Variants in CFAP418 observed in about 807,000 individuals in gnomAD.
CFAP418 encodes the protein cilia and flagella associated protein 418, also known as cilia- and flagella-associated protein 418.
Under a neutral mutation model 24.7 loss-of-function variants are expected in CFAP418, and 27 were observed. The ratio of observed to expected loss-of-function variants is 1.09; its 90% CI spans 0.81 to 1.51. The LOEUF (loss-of-function observed/expected upper bound fraction) is 1.51, where lower values mean the gene tolerates loss of function less well. CFAP418 is among the 40% of genes most tolerant of loss of function. The pLI is 0.00. For missense variants in CFAP418, 257 were observed against 255.2 expected (o/e 1.01, Z -0.05); for synonymous variants, 74 against 87.3 (o/e 0.85, Z 0.85).
At chr8:95,267,747 T>A (rs919387758) in intron 1 of CFAP418, among the ~76,000 whole-genome samples, 7 of 152,270 alleles carry the variant, frequency 4.6e-5, no homozygotes, top group Admixed American at 3.9e-4. Context: ...GGAGATGACG[T>A]TCTTAGATTG....
Position 95,253,319 on chromosome 8 carries a change from A to AAG in CFAP418, c.375-1037_375-1036insCT, listed in dbSNP as rs2132156183. Among the ~76,000 whole-genome samples, 3 of 152,120 alleles carry AAG rather than the reference A, an allele frequency of 2.0e-5. No individual in the cohort carries two copies. The South Asian group carries it at 6.2e-4, about 32-fold the overall frequency. ...AGCGAGACTCTGTCTCAAAAAAAAA[A>AAG]GAACATGGAGCAAAATGTAGAAAGT... On this transcript the variant is annotated intron_variant, in intron 4 of 5. Transcript: ENST00000286688.
chr8:95,254,661 C>G (rs916415825), intron 4 of CFAP418, among the ~76,000 whole-genome samples: 1 of 152,140 alleles, frequency 6.6e-6, no homozygotes, highest in African/African-American at 2.4e-5. Flanking sequence ...AATCTTCTGC[C>G]CAGACACTGT....
chr8:95,261,390 C>T (rs1811889262), intron 2 of CFAP418, among the ~76,000 whole-genome samples: 1 of 152,114 alleles, frequency 6.6e-6, no homozygotes, highest in Admixed American at 6.6e-5. Context: ...GAGCATGTTT[C>T]ATGTGCCATC....
chr8:95,261,363 G>A (rs1811888857), intron 2 of CFAP418, among the ~76,000 whole-genome samples: 1 of 152,132 alleles, frequency 6.6e-6, no homozygotes, highest in Admixed American at 6.5e-5. Flanking sequence ...TAATATGCAC[G>A]AATCTTTCTG....
At position 95,263,716 on chromosome 8, in the gene CFAP418, C is replaced by T. The variant is rs1304167669; in HGVS notation, c.214G>A (p.Glu72Lys). The T allele has an allele frequency of 1.2e-5, 19 of 1,608,174 alleles. No individual in the cohort carries two copies. Among genetic ancestry groups the T allele is most frequent in the Non-Finnish European group, 1.5e-5 (18 of 1,175,448 alleles). ...GGTTTTTTGTCCAAGTTGGGCTCTT[C>T]AAGTATTTCATTAATAAGACTGTCA... The part of the protein sequence containing the change: ...DLDSLINEIL[E>K]EPNLDKKPSK... Residue 72 changes from glutamate (E) to lysine (K), a missense_variant, in exon 2 of 6, where the codon GAA (glutamate) becomes AAA (lysine). Coordinates refer to ENST00000286688, the MANE Select transcript of CFAP418 (RefSeq NM_177965.4).
chr8:95,255,291 A>G (rs1172828228), intron 4 of CFAP418, among the ~76,000 whole-genome samples: 1 of 152,118 alleles, frequency 6.6e-6, no homozygotes, highest in Admixed American at 6.5e-5. Flanking sequence ...CCTACTCATT[A>G]TGCTCCAGCA....
intron 4 of CFAP418, among the ~76,000 whole-genome samples, chr8:95,259,516 T>C (rs1305205121): frequency 2.0e-5 from 3 of 152,210 alleles, no homozygotes; most frequent in Non-Finnish European, 2.9e-5. Flanking sequence ...TAAGGCATCA[T>C]GTATCTGCAT....
chr8:95,253,477 A>G (rs912491730), intron 4 of CFAP418, among the ~76,000 whole-genome samples: 1 of 142,810 alleles, frequency 7.0e-6, no homozygotes, highest in African/African-American at 2.6e-5. Context: ...TTCTGTAATG[A>G]AAAAATAAAC....
chr8:95,265,442 C>G (rs145287473), intron 1 of CFAP418, among the ~76,000 whole-genome samples: 5 of 152,154 alleles, frequency 3.3e-5, no homozygotes, highest in Admixed American at 2.6e-4. Flanking sequence ...ACTCTTCTCT[C>G]GAAGGTTTCC....
At chr8:95,258,299 G>A (rs992991657) in intron 4 of CFAP418, among the ~76,000 whole-genome samples, 6 of 149,056 alleles carry the variant, frequency 4.0e-5, no homozygotes, top group African/African-American at 7.4e-5. Context: ...GGAGAATGGC[G>A]TGAACCTGGG....
chr8:95,266,102 T>A (rs907713720), intron 1 of CFAP418, among the ~76,000 whole-genome samples: 1 of 152,218 alleles, frequency 6.6e-6, no homozygotes, highest in South Asian at 2.1e-4. Context: ...GGCAAGTAAC[T>A]AAGCATTGAT....
chr8:95,269,116 C>T lies in CFAP418; in HGVS notation c.74G>A (p.Gly25Asp), dbSNP rs771447966. ...GCAGCCTTTGGGCTGCTCGACCATACCCCGTCTTAGAAGGTCAGGTGTGCA... is the reference window on the plus strand; with the variant it reads ...GCAGCCTTTGGGCTGCTCGACCATATCCCGTCTTAGAAGGTCAGGTGTGCA... Reference protein sequence around the residue: ...KFCTPDLLRRGMVEQPKGCGG... With the variant: ...KFCTPDLLRRDMVEQPKGCGG... The change falls in exon 1 of 6, where the codon GGT (glycine) becomes GAT (aspartate). Residue 25 changes from glycine to aspartate, a missense_variant. Transcript: ENST00000286688. The T allele has an allele frequency of 4.3e-6, 7 of 1,614,084 alleles. No homozygotes were observed. The East Asian group carries it at 8.9e-5, about 21-fold the overall frequency.
At chr8:95,249,239 G>A (rs1811672478) in intron 5 of CFAP418, among the ~76,000 whole-genome samples, 1 of 152,116 alleles carries the variant, frequency 6.6e-6, no homozygotes, top group Non-Finnish European at 1.5e-5. Flanking sequence ...TAAAATGCAC[G>A]TATCTTAAAA....
intron 4 of CFAP418, among the ~76,000 whole-genome samples, chr8:95,254,033 C>T (rs943102415): frequency 5.3e-5 from 8 of 152,202 alleles, no homozygotes; most frequent in African/African-American, 1.9e-4. Flanking sequence ...CACACCACCA[C>T]ATTTTCCTAC....
intron 4 of CFAP418, among the ~76,000 whole-genome samples, chr8:95,256,993 T>C (rs1035041148): frequency 1.3e-5 from 2 of 152,212 alleles, no homozygotes; most frequent in African/African-American, 4.8e-5. Flanking sequence ...TTAGAGTTAA[T>C]GTGAGACAAA....
chr8:95,252,078 A>C (rs1418602499), intron 5 of CFAP418, 110 bp downstream of exon 5: 2 of 737,776 alleles, frequency 2.7e-6, no homozygotes, highest in Non-Finnish European at 4.7e-6. Flanking sequence ...ACTATACTGA[A>C]GAGGTGAAGC....
chr8:95,266,540 A>G (rs1055612464), intron 1 of CFAP418, among the ~76,000 whole-genome samples: 10 of 152,218 alleles, frequency 6.6e-5, no homozygotes, highest in African/African-American at 2.2e-4. Flanking sequence ...CTGCTATACA[A>G]TTAGTAGGTA....
intron 2 of CFAP418, among the ~76,000 whole-genome samples, chr8:95,261,495 C>T (rs537778613): frequency 2.6e-4 from 40 of 152,138 alleles, no homozygotes; most frequent in Non-Finnish European, 4.6e-4. Flanking sequence ...TTCAGAAATG[C>T]GACAGAATGG....
intron 4 of CFAP418, among the ~76,000 whole-genome samples, chr8:95,256,962 T>G (rs1351832743): frequency 6.6e-6 from 1 of 152,148 alleles, no homozygotes. Flanking sequence ...GGATAACAAT[T>G]TGGTAAAGCA....
Sources: gnomAD v4.1 joint callset for allele counts (sites outside exome capture counted in the v4.1 genomes callset) on GRCh38, gnomAD v4.1.1 for gene constraint, MANE v1.5 for transcripts, NCBI Gene and HGNC (gene_info 2026-07-23, HGNC 2026-07-21) for gene names.